The following TRIML1 variants were observed in gnomAD, a reference collection of about 807,000 sequenced individuals.
TRIML1 encodes tripartite motif family like 1.
TRIML1 carries 34 observed loss-of-function variants against 32.3 expected under a neutral mutation model. The observed-to-expected ratio is 1.05, with a 90% CI of 0.80 to 1.40. The LOEUF (loss-of-function observed/expected upper bound fraction) is 1.40, where lower values mean the gene tolerates loss of function less well. Among genes scored for constraint, TRIML1 ranks in the 40% most tolerant of loss-of-function variants. The pLI is 0.00. For missense variants in TRIML1, 595 were observed against 574.9 expected (o/e 1.03, Z -0.36); for synonymous variants, 244 against 226.6 (o/e 1.08, Z -0.69).
Position 188,139,451 on chromosome 4 carries a change from C to A in TRIML1, c.-108C>A. 9.0e-7 allele frequency: 1 copy of A among 1,116,546 alleles called. No individual in the cohort carries two copies. The highest frequency in any genetic ancestry group is 2.3e-5 in the Admixed American group (1 of 42,766). The allele number at this position is 1,116,546 out of a possible 1,614,324, so 69.2% of individuals were successfully genotyped here. A position where few individuals can be genotyped will look rare whatever the true frequency, so the allele number is the denominator to read the frequency against. On this transcript the variant is annotated 5_prime_UTR_variant, in exon 1 of 6. Coordinates refer to ENST00000332517, the MANE Select transcript of TRIML1 (RefSeq NM_178556.5). The stretch of plus-strand genomic sequence containing the variant: ...AGATAAGGGTTTCTTGTCATAACAA[C>A]ATAGGAACAGGTCACCCGCGTGTTA...
chr4:188,145,399 G>A lies in TRIML1; in HGVS notation c.856+1266G>A, dbSNP rs190330115. Among the ~76,000 whole-genome samples, 306 of 134,284 alleles carry A rather than the reference G, an allele frequency of 2.3e-3. 1 individual carries two copies. The highest frequency in any genetic ancestry group is 8.1e-3 in the African/African-American group (283 of 35,000). 88.1% of individuals were successfully genotyped at this position (134,284 alleles called of 152,430 possible). On this transcript the variant is annotated intron_variant, in intron 5 of 5. Coordinates refer to ENST00000332517, the MANE Select transcript of TRIML1 (RefSeq NM_178556.5). ...GGAGGTTGCAGTGAGCAGAGATGGC[G>A]CCATTGCATTCCAGCCTGGGCGACA...
At chr4:188,149,149 G>A (rs1227717339), downstream of TRIML1, among the ~76,000 whole-genome samples, 1 of 151,180 alleles carries the variant, frequency 6.6e-6, no homozygotes, top group Non-Finnish European at 1.5e-5. Context: ...TTGATCTCCT[G>A]ACCTCGTGAT....
downstream of TRIML1, among the ~76,000 whole-genome samples, chr4:188,148,241 C>T (rs1735158870): frequency 6.6e-6 from 1 of 152,090 alleles, no homozygotes; most frequent in Non-Finnish European, 1.5e-5. Context: ...TGCCTGTAAT[C>T]CCAGCACTTT....
rs1735123733 is a variant in TRIML1 at position 188,147,299 on chromosome 4, T to A, written c.1334T>A (p.Phe445Tyr). 6.5e-7 allele frequency: 1 copy of A among 1,541,242 alleles called. No homozygotes were observed. The part of the protein sequence containing the change: ...ASFQEALRPI[F>Y]SPCLPNEGTN... Reference sequence around the variant, plus strand: ...TTCCAAGAGGCCCTCAGGCCTATCTTTTCCCCCTGCCTCCCAAATGAGGGG... The same window carrying A: ...TTCCAAGAGGCCCTCAGGCCTATCTATTCCCCCTGCCTCCCAAATGAGGGG... The change falls in exon 6 of 6, where the codon TTT (phenylalanine) becomes TAT (tyrosine). Residue 445 changes from phenylalanine (F) to tyrosine (Y), a missense_variant. Transcript: ENST00000332517.
Position 188,142,207 on chromosome 4 carries a change from CGTGTGTGTGTGTGTGTGTGTGTGTGT to C in TRIML1, c.505-34_505-9del. The C allele has an allele frequency of 9.9e-7, 1 of 1,013,092 alleles. No individual in the cohort carries two copies. The highest frequency in any genetic ancestry group is 1.5e-6 in the Non-Finnish European group (1 of 669,918). 62.8% of individuals were successfully genotyped at this position (1,013,092 alleles called of 1,614,324 possible). ...GGCATTTCTCTTACTAACTTTATCT[CGTGTGTGTGTGTGTGTGTGTGTGTGT>C]GTGTGTGTGTTTTGGCAGGAAGAAA... On this transcript the variant is annotated intron_variant, in intron 2 of 5. Coordinates refer to ENST00000332517, the MANE Select transcript of TRIML1 (RefSeq NM_178556.5).
At chr4:188,140,708 A>G in intron 2 of TRIML1, 85 bp downstream of exon 2, 1 of 1,064,644 alleles carries the variant, frequency 9.4e-7, no homozygotes, top group Non-Finnish European at 1.4e-6. Flanking sequence ...CAGGAAAAAA[A>G]AAAGACAAAT....
intron 5 of TRIML1, among the ~76,000 whole-genome samples, chr4:188,144,401 G>T (rs1344772412): frequency 1.4e-4 from 21 of 148,978 alleles, no homozygotes; most frequent in African/African-American, 5.2e-4. Context: ...CTCACTCCGT[G>T]TCCCGGGCTG....
chr4:188,150,483 A>T (rs1735224696), downstream of TRIML1, among the ~76,000 whole-genome samples: 1 of 152,226 alleles, frequency 6.6e-6, no homozygotes, highest in African/African-American at 2.4e-5. Flanking sequence ...AAGCTAAGAA[A>T]CAAAATGATA....
upstream of TRIML1, among the ~76,000 whole-genome samples, chr4:188,138,567 G>A (rs535458285): frequency 2.0e-4 from 30 of 152,182 alleles, 2 homozygotes; most frequent in African/African-American, 7.2e-4. Flanking sequence ...TACCAATCTC[G>A]GAGTTCACTG....
intron 3 of TRIML1, 64 bp from the exon 4 acceptor site, chr4:188,143,774 A>C: frequency 6.3e-7 from 1 of 1,599,454 alleles, no homozygotes; most frequent in Non-Finnish European, 8.6e-7. Flanking sequence ...CTGTATGCAA[A>C]ATGAATTTCG....
intron 3 of TRIML1, chr4:188,143,579 G>T (rs1734944037): frequency 4.0e-6 from 2 of 503,522 alleles, no homozygotes; most frequent in Non-Finnish European, 3.6e-6. Flanking sequence ...TGCAGAACAG[G>T]TTCCCTGGAC....
Position 188,147,135 on chromosome 4 carries a change from G to A in TRIML1, c.1170G>A (p.Trp390Ter), listed in dbSNP as rs777991114. The change falls in exon 6 of 6, where the codon TGG becomes TGA. Residue 390 changes from tryptophan (W) to a stop codon, truncating the protein, a stop_gained. Coordinates refer to ENST00000332517, the MANE Select transcript of TRIML1 (RefSeq NM_178556.5). LOFTEE classifies it low-confidence loss of function (END_TRUNC). ...AAATCGGAGATGATTACAGCCTCTG[G>A]GTCTCGTCACCTTTGAAAGGTCAGC... ...GLKIGDDYSL[W>*]VSSPLKGQHV... 69 of 1,613,900 alleles carry A rather than the reference G, an allele frequency of 4.3e-5. No homozygotes were observed. Among genetic ancestry groups the A allele is most frequent in the Non-Finnish European group, 5.4e-5 (64 of 1,180,026 alleles).
rs975946109 is a variant in TRIML1, at chr4:188,146,992, T to G, written c.1027T>G (p.Trp343Gly). 6.3e-7 allele frequency: 1 copy of G among 1,586,702 alleles called. No homozygotes were observed. Among genetic ancestry groups the G allele is most frequent in the African/African-American group, 1.3e-5 (1 of 74,438 alleles). Residue 343 changes from tryptophan to glycine, a missense_variant, in exon 6 of 6, where the codon TGG (tryptophan) becomes GGG (glycine). Physicochemically the swap from Trp to Gly is radical, Grantham distance 184. Coordinates refer to ENST00000332517, the MANE Select transcript of TRIML1 (RefSeq NM_178556.5). ...GATCTTCACCAGTGGGAGACACTAC[T>G]GGGAGGTGGAGGTGGGAAACAAGAC... ...TQIFTSGRHY[W>G]EVEVGNKTEW...
At chr4:188,149,370 CTG>C (rs1735191868), downstream of TRIML1, among the ~76,000 whole-genome samples, 1 of 152,120 alleles carries the variant, frequency 6.6e-6, no homozygotes, top group African/African-American at 2.4e-5. Context: ...CCACTCCAGA[CTG>C]TGTTATTACT....
chr4:188,150,203 G>A (rs1345591063), downstream of TRIML1, among the ~76,000 whole-genome samples: 4 of 151,512 alleles, frequency 2.6e-5, no homozygotes, highest in Non-Finnish European at 4.4e-5. Context: ...TCGGCTCACT[G>A]CAGCCTCCTC....
intron 3 of TRIML1, 53 bp downstream of exon 3, chr4:188,142,535 C>A: frequency 7.5e-7 from 1 of 1,327,250 alleles, no homozygotes; most frequent in Non-Finnish European, 1.1e-6. Context: ...ACTCATAGTA[C>A]TTCAAGCCAT....
chr4:188,137,475 CTTTTT>C (rs70938701), upstream of TRIML1, among the ~76,000 whole-genome samples: 2 of 101,482 alleles, frequency 2.0e-5, no homozygotes, highest in South Asian at 3.5e-4. Flanking sequence ...GCTATTTTTA[CTTTTT>C]TTTTTTTTTT....
chr4:188,141,571 A>G (rs952217735), intron 2 of TRIML1, among the ~76,000 whole-genome samples: 1 of 152,124 alleles, frequency 6.6e-6, no homozygotes, highest in Non-Finnish European at 1.5e-5. Context: ...GAATAAATGA[A>G]CACACATTTT....
At position 188,139,495 on chromosome 4, in the gene TRIML1, C is replaced by T. The variant is rs986874698; in HGVS notation, c.-64C>T. Reference sequence around the variant, plus strand: ...CGTGTTACTCAAAACTGTAGGACGGCAGTGAGGGCTTTGCTAATCCCAGAA... The same window carrying T: ...CGTGTTACTCAAAACTGTAGGACGGTAGTGAGGGCTTTGCTAATCCCAGAA... On this transcript the variant is annotated 5_prime_UTR_variant, in exon 1 of 6. Coordinates refer to ENST00000332517, the MANE Select transcript of TRIML1 (RefSeq NM_178556.5). 1.6e-5 allele frequency: 24 copies of T among 1,484,794 alleles called. No homozygotes were observed. Among genetic ancestry groups the T allele is most frequent in the Non-Finnish European group, 2.1e-5 (23 of 1,104,510 alleles). 92.0% of individuals were successfully genotyped at this position (1,484,794 alleles called of 1,614,324 possible). A position where few individuals can be genotyped will look rare whatever the true frequency, so the allele number is the denominator to read the frequency against.
Sources: allele counts gnomAD v4.1 joint callset (sites outside exome capture counted in the v4.1 genomes callset), GRCh38; gene constraint gnomAD v4.1.1; transcripts MANE v1.5; gene names NCBI Gene and HGNC (gene_info 2026-07-23, HGNC 2026-07-21).